DCC: variants seen among roughly 807,000 people sequenced by gnomAD.
DCC encodes DCC netrin 1 receptor.
In DCC, 58 loss-of-function variants were observed where a neutral mutation model predicts 172.5. The observed-to-expected ratio is 0.34, with a 90% CI of 0.27 to 0.42. The LOEUF (loss-of-function observed/expected upper bound fraction) is 0.42, where lower values mean the gene tolerates loss of function less well. Ranked by LOEUF, DCC falls within the 10% of genes least tolerant of loss-of-function variation. The pLI, the probability that DCC is intolerant of heterozygous loss-of-function variation, is 1.00. For synonymous variants in DCC, 709 were observed against 644.5 expected (o/e 1.10, Z -1.52); for missense variants, 1,740 against 1,791.0 (o/e 0.97, Z 0.51).
rs147453705 is a variant in DCC at position 53,171,924 on chromosome 18, G to C, written c.1419-7038G>C. ...AGAGAAAAGGGAATGCTTATACATTGTTGGCAGAAATGTAAATTTATTATT... is the reference window on the plus strand; with the variant it reads ...AGAGAAAAGGGAATGCTTATACATTCTTGGCAGAAATGTAAATTTATTATT... On this transcript the variant is annotated intron_variant, in intron 8 of 28. Transcript: ENST00000442544. Among the ~76,000 whole-genome samples the C allele has an allele frequency of 7.2e-5, 11 of 151,944 alleles. No homozygotes were observed. The South Asian group carries it at 1.0e-3, about 14-fold the overall frequency.
At chr18:53,509,206 G>A (rs568065945) in intron 27 of DCC, among the ~76,000 whole-genome samples, 2 of 152,304 alleles carry the variant, frequency 1.3e-5, no homozygotes, top group East Asian at 3.9e-4. Context: ...GTAAGCTATT[G>A]AAAGTGAGAA....
chr18:52,404,685 AAGT>A (rs1179572497), intron 1 of DCC, among the ~76,000 whole-genome samples: 1 of 151,148 alleles, frequency 6.6e-6, no homozygotes, highest in Non-Finnish European at 1.5e-5. Context: ...ATTATACTTT[AAGT>A]TTTAGGGTAC....
intron 5 of DCC, among the ~76,000 whole-genome samples, chr18:53,055,777 A>G (rs568737641): frequency 6.6e-6 from 1 of 152,260 alleles, no homozygotes; most frequent in African/African-American, 2.4e-5. Flanking sequence ...GTCACGTAAG[A>G]AAAGGCCGGG....
intron 5 of DCC, among the ~76,000 whole-genome samples, chr18:53,035,076 A>G (rs1160159832): frequency 1.3e-5 from 2 of 152,032 alleles, no homozygotes; most frequent in Non-Finnish European, 2.9e-5. Context: ...TATTTTGAGG[A>G]TACATGTGAT....
intron 25 of DCC, among the ~76,000 whole-genome samples, chr18:53,469,519 A>G (rs1014812013): frequency 1.3e-5 from 2 of 152,212 alleles, no homozygotes; most frequent in African/African-American, 4.8e-5. Flanking sequence ...AAAGAAAAGC[A>G]TTCAGAAAGT....
chr18:52,968,866 C>T (rs1176695840), intron 5 of DCC, among the ~76,000 whole-genome samples: 1 of 152,018 alleles, frequency 6.6e-6, no homozygotes, highest in East Asian at 1.9e-4. Context: ...AAAATATTTG[C>T]TGTTTATCTG....
chr18:52,422,286 C>G (rs985220639), intron 1 of DCC, among the ~76,000 whole-genome samples: 1 of 152,086 alleles, frequency 6.6e-6, no homozygotes, highest in Non-Finnish European at 1.5e-5. Flanking sequence ...ATGTTTATAG[C>G]TAAAAATATC....
At chr18:52,896,069 G>C (rs1012444178) in intron 2 of DCC, among the ~76,000 whole-genome samples, 1 of 152,148 alleles carries the variant, frequency 6.6e-6, no homozygotes, top group Non-Finnish European at 1.5e-5. Context: ...ACAGGTGTGA[G>C]CCACTGCACC....
intron 15 of DCC, among the ~76,000 whole-genome samples, chr18:53,351,398 AGTG>A: frequency 7.1e-5 from 1 of 14,086 alleles, no homozygotes; most frequent in African/African-American, 2.3e-4. Flanking sequence ...ATATATATAC[AGTG>A]TATATATATA....
chr18:53,188,718 C>T (rs137869635), intron 9 of DCC, among the ~76,000 whole-genome samples: 271 of 152,138 alleles, frequency 1.8e-3, no homozygotes, highest in African/African-American at 6.0e-3. Context: ...CCTAGAAGTC[C>T]GAAATCGAGG....
chr18:53,369,862 G>A (rs764719895), intron 15 of DCC, among the ~76,000 whole-genome samples: 7 of 151,750 alleles, frequency 4.6e-5, no homozygotes, highest in Non-Finnish European at 8.8e-5. Context: ...TGGTTTGCTA[G>A]TATTTTATTG....
chr18:53,348,904 G>A (rs1429403057), intron 15 of DCC, among the ~76,000 whole-genome samples: 2 of 152,148 alleles, frequency 1.3e-5, no homozygotes, highest in East Asian at 1.9e-4. Context: ...TGTCATGGGA[G>A]GGGCTGCACT....
intron 2 of DCC, among the ~76,000 whole-genome samples, chr18:52,891,899 C>T (rs1022716928): frequency 2.0e-5 from 3 of 152,136 alleles, no homozygotes; most frequent in Non-Finnish European, 4.4e-5. Context: ...ACCACCACCT[C>T]AAACTATTCT....
chr18:53,351,398 AGTGTATATATATATATATACACACTGT>A (rs2057803433), intron 15 of DCC, among the ~76,000 whole-genome samples: 2 of 14,076 alleles, frequency 1.4e-4, no homozygotes, highest in African/African-American at 4.7e-4. Context: ...ATATATATAC[AGTGTATATATATATATATACACACTGT>A]GTATATATAT....
rs191666944 is a variant in DCC, at chr18:53,068,146, T to C, written c.1261+1980T>C. On this transcript the variant is annotated intron_variant, in intron 7 of 28. Coordinates refer to ENST00000442544, the MANE Select transcript of DCC (RefSeq NM_005215.4). ...TCCATTTGATGTGCTTAAGTGTCAGTGTAACTTCATTGGTGTGACTAAGTA... is the reference window on the plus strand; with the variant it reads ...TCCATTTGATGTGCTTAAGTGTCAGCGTAACTTCATTGGTGTGACTAAGTA... Among the ~76,000 whole-genome samples, 4 of 152,308 alleles carry C rather than the reference T, an allele frequency of 2.6e-5. No individual in the cohort carries two copies. In the East Asian group the frequency reaches 7.7e-4, roughly 29 times the overall value.
At chr18:53,017,972 A>T (rs2041831626) in intron 5 of DCC, among the ~76,000 whole-genome samples, 1 of 152,134 alleles carries the variant, frequency 6.6e-6, no homozygotes, top group Non-Finnish European at 1.5e-5. Flanking sequence ...AGCATTTATC[A>T]ATGCACCAAC....
rs187218945 is a variant in DCC at position 52,417,970 on chromosome 18, C to G, written c.91+77092C>G. On this transcript the variant is annotated intron_variant, in intron 1 of 28. Transcript: ENST00000442544. ...CAGGACCATAGCGCAGCTCTGTCCG[C>G]ATCATCTGTCATTAATTCTTCGCTT... 2.0e-5 allele frequency among the ~76,000 whole-genome samples: 3 copies of G among 152,290 alleles called. No individual in the cohort carries two copies. The East Asian group carries it at 5.8e-4, about 29-fold the overall frequency.
At chr18:53,492,155 G>A (rs1568165877) in intron 26 of DCC, among the ~76,000 whole-genome samples, 1 of 150,648 alleles carries the variant, frequency 6.6e-6, no homozygotes, top group Non-Finnish European at 1.5e-5. Flanking sequence ...TTTTTGATGG[G>A]ATTTTTTTTT....
chr18:53,066,240 T>C, intron 7 of DCC, 74 bp downstream of exon 7: 2 of 1,464,258 alleles, frequency 1.4e-6, no homozygotes, highest in South Asian at 2.3e-5. Context: ...ATCCATATTG[T>C]TTTTCCTACC....
Sources: gnomAD v4.1 joint callset for allele counts (sites outside exome capture counted in the v4.1 genomes callset) on GRCh38, gnomAD v4.1.1 for gene constraint, MANE v1.5 for transcripts, NCBI Gene and HGNC (gene_info 2026-07-23, HGNC 2026-07-21) for gene names.